GALNT15: variants seen among roughly 807,000 people sequenced by gnomAD.
GALNT15 encodes polypeptide N-acetylgalactosaminyltransferase 15.
Under a neutral mutation model 66.8 loss-of-function variants are expected in GALNT15, and 67 were observed. The ratio of observed to expected loss-of-function variants is 1.00; its 90% confidence interval spans 0.82 to 1.23. The LOEUF is 1.23. Among genes scored for constraint, GALNT15 ranks in the 50% most tolerant of loss-of-function variants. The pLI is 0.00. For synonymous variants in GALNT15, 313 were observed against 311.5 expected (o/e 1.00, Z -0.05); for missense variants, 827 against 804.3 (o/e 1.03, Z -0.34).
At position 16,180,388 on chromosome 3, in the gene GALNT15, C is replaced by T. The variant is rs2063456665; in HGVS notation, c.539+4698C>T. On this transcript the variant is annotated intron_variant, in intron 1 of 9. Coordinates refer to ENST00000339732, the MANE Select transcript of GALNT15 (RefSeq NM_054110.5). This position sits in a 1 kb window ranked among gnomAD's most constrained non-coding sequence, Gnocchi z 5.0. ...GGTCAGGAGGGCAGCCTCAGATGCT[C>T]CATTTCTATCAAAGGCACTCCAAGG... 6.6e-6 allele frequency among the ~76,000 whole-genome samples: 1 copy of T among 152,166 alleles called. No homozygotes were observed. The highest frequency in any genetic ancestry group is 2.1e-4 in the South Asian group (1 of 4,822).
Position 16,200,806 on chromosome 3 carries a change from C to T in GALNT15, c.894C>T (p.Ser298=). Residue 298 remains serine (S), a synonymous_variant, in exon 3 of 10, where the codon AGC becomes AGT. Transcript: ENST00000339732. This position sits in a 1 kb window ranked among gnomAD's most constrained non-coding sequence, Gnocchi z 4.4. Reference sequence around the variant, plus strand: ...CAGGCTGGCTGGAGCCCCTCCTCAGCAGAATAGCTGGTGACAGGTAACTTA... The same window carrying T: ...CAGGCTGGCTGGAGCCCCTCCTCAGTAGAATAGCTGGTGACAGGTAACTTA... ...CHPGWLEPLL[S]RIAGDRSRVV... is the part of the protein sequence containing the mutation. 1 of 1,607,886 alleles carries T rather than the reference C, an allele frequency of 6.2e-7. No individual in the cohort carries two copies. The highest frequency in any genetic ancestry group is 8.5e-7 in the Non-Finnish European group (1 of 1,177,660).
rs543768207 is a variant in GALNT15, at chr3:16,206,379, A to T, written c.912-2124A>T. Among the ~76,000 whole-genome samples the T allele has an allele frequency of 2.9e-4, 40 of 139,576 alleles. No homozygotes were observed. The South Asian group carries it at 8.9e-3, about 31-fold the overall frequency. 91.6% of individuals were successfully genotyped at this position (139,576 alleles called of 152,430 possible). ...TCTGGGCGACAGAGTGAGACCATTT[A>T]AAAAAAAAAAAAGGCCGGGCGCGAT... On this transcript the variant is annotated intron_variant, in intron 3 of 9. Transcript: ENST00000339732.
intron 3 of GALNT15, among the ~76,000 whole-genome samples, chr3:16,206,671 T>TAAAAAAAAAA (rs1170870767): frequency 1.7e-5 from 1 of 60,016 alleles, no homozygotes; most frequent in Non-Finnish European, 3.3e-5. Context: ...AGACTCTGTC[T>TAAAAAAAAAA]AAAAAAAAAA....
Position 16,176,121 on chromosome 3 carries a change from A to G in GALNT15, c.539+431A>G, listed in dbSNP as rs2063407322. Among the ~76,000 whole-genome samples, 1 of 152,172 alleles carries G rather than the reference A, an allele frequency of 6.6e-6. No individual in the cohort carries two copies. The highest frequency in any genetic ancestry group is 2.4e-5 in the African/African-American group (1 of 41,442). On this transcript the variant is annotated intron_variant, in intron 1 of 9. Coordinates refer to ENST00000339732, the MANE Select transcript of GALNT15 (RefSeq NM_054110.5). This position sits in a 1 kb window ranked among gnomAD's most constrained non-coding sequence, Gnocchi z 5.6. ...AGTTCTAACACTCTGACTCCACTAC[A>G]TTTTGATTTTAGGGTTATTGTTAGT...
intron 9 of GALNT15, among the ~76,000 whole-genome samples, chr3:16,222,981 G>A (rs993919494): frequency 7.9e-5 from 12 of 152,334 alleles, no homozygotes; most frequent in African/African-American, 2.2e-4. Context: ...CCAGGTCTCT[G>A]TGTAGCTCTG....
In GALNT15 at chr3:16,227,307, G is replaced by T; in HGVS notation, c.1774-47G>T. The T allele has an allele frequency of 6.3e-7, 1 of 1,583,848 alleles. No individual in the cohort carries two copies. Among genetic ancestry groups the T allele is most frequent in the South Asian group, 1.2e-5 (1 of 86,176 alleles). On this transcript the variant is annotated intron_variant, in intron 9 of 9. Coordinates refer to ENST00000339732, the MANE Select transcript of GALNT15 (RefSeq NM_054110.5). This position sits in a 1 kb window ranked among gnomAD's most constrained non-coding sequence, Gnocchi z 4.5. ...TTAAAAATATTTTCTTTTGCTGACT[G>T]ATTGTGGGGGACTGGTTTTCTTTTC... is the stretch of plus-strand genomic sequence containing the variant.
chr3:16,227,300 G>A lies in GALNT15; in HGVS notation c.1774-54G>A. 6.4e-7 allele frequency: 1 copy of A among 1,558,394 alleles called. No individual in the cohort carries two copies. Among genetic ancestry groups the A allele is most frequent in the South Asian group, 1.2e-5 (1 of 83,982 alleles). Reference sequence around the variant, plus strand: ...ACAAATCTTAAAAATATTTTCTTTTGCTGACTGATTGTGGGGGACTGGTTT... The same window carrying A: ...ACAAATCTTAAAAATATTTTCTTTTACTGACTGATTGTGGGGGACTGGTTT... On this transcript the variant is annotated intron_variant, in intron 9 of 9. Transcript: ENST00000339732. The surrounding 1 kb of genome is among the most constrained non-coding windows in gnomAD (Gnocchi z 4.5).
Position 16,211,217 on chromosome 3 carries a change from T to C in GALNT15, c.1173T>C (p.Gly391=). 2.5e-6 allele frequency: 4 copies of C among 1,613,056 alleles called. No homozygotes were observed. The highest frequency in any genetic ancestry group is 3.3e-4 in the Middle Eastern group (2 of 6,060). ...AYDSLMSLRG[G]ENLELSFKAW... The stretch of plus-strand genomic sequence containing the variant: ...ACTCTCTTATGTCGCTGCGAGGTGG[T>C]GAAAACCTCGAACTGTCTTTCAAGG... The change falls in exon 5 of 10, where the codon GGT becomes GGC. Residue 391 remains glycine, a synonymous_variant. Transcript: ENST00000339732. The surrounding 1 kb of genome is among the most constrained non-coding windows in gnomAD (Gnocchi z 4.3).
rs1164976010 is a variant in GALNT15 at position 16,203,543 on chromosome 3, T to TCACACACA, written c.911+2759_911+2766dup. ...CATTCTCTCTCTCTCTCTCTCTCTC[T>TCACACACA]CACACACACACACACACACACACAC... On this transcript the variant is annotated intron_variant, in intron 3 of 9. Transcript: ENST00000339732. This position sits in a 1 kb window ranked among gnomAD's most constrained non-coding sequence, Gnocchi z 6.2. Among the ~76,000 whole-genome samples, 431 of 61,130 alleles carry TCACACACA rather than the reference T, an allele frequency of 7.1e-3. 4 individuals are homozygous for TCACACACA. Among genetic ancestry groups the TCACACACA allele is most frequent in the African/African-American group, 0.018 (327 of 18,292 alleles). 40.1% of individuals were successfully genotyped at this position (61,130 alleles called of 152,430 possible).
rs1253178092 is a variant in GALNT15 at position 16,186,403 on chromosome 3, G to A, written c.540-9357G>A. 6.6e-6 allele frequency among the ~76,000 whole-genome samples: 1 copy of A among 152,180 alleles called. No homozygotes were observed. Among genetic ancestry groups the A allele is most frequent in the Non-Finnish European group, 1.5e-5 (1 of 68,034 alleles). ...GGCAGTTCCCCAACATGTTAAACAT[G>A]GAGCTATCATATGGCCAGTAATACC... On this transcript the variant is annotated intron_variant, in intron 1 of 9. Transcript: ENST00000339732. The surrounding 1 kb of genome is among the most constrained non-coding windows in gnomAD (Gnocchi z 5.1).
At chr3:16,197,014 G>T (rs1161663944) in intron 2 of GALNT15, among the ~76,000 whole-genome samples, 1 of 152,232 alleles carries the variant, frequency 6.6e-6, no homozygotes, top group Non-Finnish European at 1.5e-5. Context: ...AACACCTGGG[G>T]TTCCTGGGTG....
At chr3:16,201,216 C>G (rs536980443) in intron 3 of GALNT15, among the ~76,000 whole-genome samples, 1 of 152,104 alleles carries the variant, frequency 6.6e-6, no homozygotes, top group Non-Finnish European at 1.5e-5. Flanking sequence ...GCGTCTCGCT[C>G]TGTCACCCAG....
At position 16,229,936 on chromosome 3, in the gene GALNT15, C is replaced by T. The variant is rs1309913064; in HGVS notation, c.*2436C>T. Among the ~76,000 whole-genome samples the T allele has an allele frequency of 1.3e-5, 2 of 152,148 alleles. No homozygotes were observed. On this transcript the variant is annotated 3_prime_UTR_variant, in exon 10 of 10. Coordinates refer to ENST00000339732, the MANE Select transcript of GALNT15 (RefSeq NM_054110.5). ...ACCCTTAATTTAAGTAAAACAGATG[C>T]CTCCATTTAGTTCTAGAAGGACCTT...
At chr3:16,246,428 T>A in the GALNT15 span, among the ~76,000 whole-genome samples, 1 of 146,356 alleles carries the variant, frequency 6.8e-6, no homozygotes, top group East Asian at 2.0e-4. Context: ...CGGGTTCAAG[T>A]GATTCTCCTG....
intron 2 of GALNT15, among the ~76,000 whole-genome samples, chr3:16,199,689 C>G (rs2063678285): frequency 1.0e-5 from 1 of 97,258 alleles, no homozygotes; most frequent in African/African-American, 3.8e-5. Context: ...ATAGCCTGAT[C>G]CCATGGGGGA....
rs1045346618 is a variant in GALNT15, at chr3:16,191,449, G to T, written c.540-4311G>T. ...CACAACAGCAAATCCCAAAAAGTGG[G>T]CCCTACGGCTACCTTTCTGAGGAAA... On this transcript the variant is annotated intron_variant, in intron 1 of 9. Transcript: ENST00000339732. The surrounding 1 kb of genome is among the most constrained non-coding windows in gnomAD (Gnocchi z 5.2). 6.9e-6 allele frequency: 4 copies of T among 580,754 alleles called. No homozygotes were observed. The highest frequency in any genetic ancestry group is 8.7e-6 in the Non-Finnish European group (4 of 460,236). 36.0% of individuals were successfully genotyped at this position (580,754 alleles called of 1,614,324 possible). A position where few individuals can be genotyped will look rare whatever the true frequency, so the allele number is the denominator to read the frequency against.
At position 16,183,702 on chromosome 3, in the gene GALNT15, G is replaced by A. The variant is rs2124842185; in HGVS notation, c.539+8012G>A. Among the ~76,000 whole-genome samples the A allele has an allele frequency of 6.6e-6, 1 of 152,298 alleles. No homozygotes were observed. Among genetic ancestry groups the A allele is most frequent in the Admixed American group, 6.5e-5 (1 of 15,306 alleles). On this transcript the variant is annotated intron_variant, in intron 1 of 9. Transcript: ENST00000339732. The surrounding 1 kb of genome is among the most constrained non-coding windows in gnomAD (Gnocchi z 5.2). ...CCTATCCGAGTGGGGCGCCTCCACT[G>A]ATTTGATAGGAACTGGGAGTCAGTA...
chr3:16,239,992 A>G, the GALNT15 span, among the ~76,000 whole-genome samples: 26,551 of 152,210 alleles, frequency 0.17, 3,380 homozygotes, highest in African/African-American at 0.36. This position sits in a 1 kb window ranked among gnomAD's most constrained non-coding sequence, Gnocchi z 5.2. Flanking sequence ...TTACCATAAG[A>G]CAGATGCTTA....
the GALNT15 span, among the ~76,000 whole-genome samples, chr3:16,244,584 C>G: frequency 6.6e-6 from 1 of 152,244 alleles, no homozygotes; most frequent in Non-Finnish European, 1.5e-5. Context: ...GGGGTACACA[C>G]TAGAGAAAGC....
Sources: allele counts gnomAD v4.1 joint callset (sites outside exome capture counted in the v4.1 genomes callset), GRCh38; gene constraint gnomAD v4.1.1; non-coding constraint Gnocchi (gnomAD v3.1); transcripts MANE v1.5; gene names NCBI Gene and HGNC (gene_info 2026-07-23, HGNC 2026-07-21).